Variants in PTGS2 observed in about 807,000 individuals in gnomAD.
The protein encoded by PTGS2 is prostaglandin G/H synthase 2.
In PTGS2, 14 loss-of-function variants were observed where a neutral mutation model predicts 63.8. The observed-to-expected ratio is 0.22, with a 90% CI of 0.14 to 0.34. The LOEUF is 0.34. Ranked by LOEUF, PTGS2 falls within the 10% of genes least tolerant of loss-of-function variation. The pLI, the probability that PTGS2 is intolerant of heterozygous loss-of-function variation, is 1.00. For missense variants in PTGS2, 533 were observed against 738.5 expected (o/e 0.72, Z 3.23); for synonymous variants, 271 against 259.5 (o/e 1.04, Z -0.43).
At position 186,674,884 on chromosome 1, in the gene PTGS2, T is replaced by A. The variant is rs1479868773; in HGVS notation, c.1406-122A>T. On this transcript the variant is annotated intron_variant, in intron 9 of 9. Coordinates refer to ENST00000367468, the MANE Select transcript of PTGS2 (RefSeq NM_000963.4). ...GTTTCCATTTGACCCCTGATTCTTTTAAGAAGTTTAGGGGCCAGGCGCGGT... is the reference window on the plus strand; with the variant it reads ...GTTTCCATTTGACCCCTGATTCTTTAAAGAAGTTTAGGGGCCAGGCGCGGT... The A allele has an allele frequency of 4.0e-6, 5 of 1,250,226 alleles. No homozygotes were observed. In the Admixed American group the frequency reaches 1.3e-4, roughly 33 times the overall value. The allele number at this position is 1,250,226 out of a possible 1,614,324, so 77.4% of individuals were successfully genotyped here.
At chr1:186,676,235 C>A (rs1233587427) in intron 7 of PTGS2, 51 bp from the exon 8 acceptor site, 2 of 1,504,606 alleles carry the variant, frequency 1.3e-6, no homozygotes, top group South Asian at 1.3e-5. Flanking sequence ...TGATCACAAG[C>A]TTTCAAGCAA....
Position 186,679,341 on chromosome 1 carries a change from A to G in PTGS2, c.150T>C (p.Tyr50=). The change falls in exon 2 of 10, where the codon TAT becomes TAC. Residue 50 remains tyrosine, a synonymous_variant. Coordinates refer to ENST00000367468, the MANE Select transcript of PTGS2 (RefSeq NM_000963.4). ...YKCDCTRTGF[Y]GENCSTPEFL... ...ACTTACGTGTTGAGCAGTTTTCTCC[A>G]TAGAATCCTGTCCGGGTACAATCGC... 6.2e-7 allele frequency: 1 copy of G among 1,614,202 alleles called. No homozygotes were observed. The highest frequency in any genetic ancestry group is 8.5e-7 in the Non-Finnish European group (1 of 1,180,026).
rs1418123551 is a variant in PTGS2 at position 186,675,399 on chromosome 1, G to T, written c.1258-3C>A. Reference sequence around the variant, plus strand: ...GGAACATTCCTACCACCAGCAACCTGTGGAAAGTAAAATTAGTTGTAAAAC... The same window carrying T: ...GGAACATTCCTACCACCAGCAACCTTTGGAAAGTAAAATTAGTTGTAAAAC... On this transcript the variant is annotated splice_region_variant and splice_polypyrimidine_tract_variant and intron_variant, in intron 8 of 9. Coordinates refer to ENST00000367468, the MANE Select transcript of PTGS2 (RefSeq NM_000963.4). 2.5e-6 allele frequency: 4 copies of T among 1,607,266 alleles called. No individual in the cohort carries two copies. In the Admixed American group the frequency reaches 5.2e-5, roughly 21 times the overall value.
chr1:186,674,849 C>A, intron 9 of PTGS2, 87 bp from the exon 10 acceptor site: 1 of 1,420,716 alleles, frequency 7.0e-7, no homozygotes, highest in Non-Finnish European at 9.5e-7. Context: ...AATTTGCTGC[C>A]AACTTCTCTG....
chr1:186,675,395 A>G lies in PTGS2; in HGVS notation c.1259T>C (p.Val420Ala). 6.2e-7 allele frequency: 1 copy of G among 1,607,780 alleles called. No homozygotes were observed. The highest frequency in any genetic ancestry group is 1.1e-5 in the South Asian group (1 of 89,354). ...GGGTGGAACATTCCTACCACCAGCAACCTGTGGAAAGTAAAATTAGTTGTA... is the reference window on the plus strand; with the variant it reads ...GGGTGGAACATTCCTACCACCAGCAGCCTGTGGAAAGTAAAATTAGTTGTA... ...ESFTRQIAGRVAGGRNVPPAV... is the reference protein window; with the variant it reads ...ESFTRQIAGRAAGGRNVPPAV... Residue 420 changes from valine to alanine, a missense_variant and splice_region_variant, in exon 9 of 10, where the codon GTT becomes GCT. Val to Ala is a moderately conservative substitution (Grantham distance 64, BLOSUM62 0). Around this residue, in one of 5 missense-constraint regions of PTGS2, gnomAD observed 219 missense variants for 267.4 expected, o/e 0.82. Transcript: ENST00000367468.
chr1:186,677,371 C>T (rs183478129), intron 5 of PTGS2, among the ~76,000 whole-genome samples: 2 of 152,154 alleles, frequency 1.3e-5, no homozygotes, highest in Admixed American at 1.3e-4. Flanking sequence ...ACATTTTAAA[C>T]TAAAAAATAC....
rs1236652309 is a variant in PTGS2, at chr1:186,673,043, G to A, written c.*1310C>T. 5 of 152,012 alleles carry A rather than the reference G, an allele frequency of 3.3e-5. No homozygotes were observed. Among genetic ancestry groups the A allele is most frequent in the Non-Finnish European group, 7.4e-5 (5 of 67,972 alleles). 9.4% of individuals were successfully genotyped at this position (152,012 alleles called of 1,614,324 possible). A position where few individuals can be genotyped will look rare whatever the true frequency, so the allele number is the denominator to read the frequency against. ...ATCTTAAAACTAGTAAAACAAAATA[G>A]GAGAAACGAAGTGATGAGAAGACTG... On this transcript the variant is annotated 3_prime_UTR_variant, in exon 10 of 10. Coordinates refer to ENST00000367468, the MANE Select transcript of PTGS2 (RefSeq NM_000963.4).
In PTGS2 at chr1:186,674,325, TA is replaced by T; in HGVS notation, c.*27del. The T allele has an allele frequency of 7.3e-7, 1 of 1,370,904 alleles. No homozygotes were observed. The highest frequency in any genetic ancestry group is 9.7e-7 in the Non-Finnish European group (1 of 1,026,596). 84.9% of individuals were successfully genotyped at this position (1,370,904 alleles called of 1,614,324 possible). ...ATTAAATTAATAGACATGGTTCATA[TA>T]AATAAATAAATATGATCATTAGACT... is the stretch of plus-strand genomic sequence containing the variant. On this transcript the variant is annotated 3_prime_UTR_variant, in exon 10 of 10. Transcript: ENST00000367468.
Position 186,674,682 on chromosome 1 carries a change from C to T in PTGS2, c.1486G>A (p.Glu496Lys). Residue 496 changes from glutamate to lysine, a missense_variant, in exon 10 of 10, where the codon GAA (glutamate) becomes AAA (lysine). By Grantham distance (56) the Glu-to-Lys change is moderately conservative. Transcript: ENST00000367468. ...AAGATGGCATCTGGCCGAGGCTTTTCTACCAGAAGGGCAGGATACAGCTCC... is the reference window on the plus strand; with the variant it reads ...AAGATGGCATCTGGCCGAGGCTTTTTTACCAGAAGGGCAGGATACAGCTCC... ...AVELYPALLVEKPRPDAIFGE... is the reference protein window; with the variant it reads ...AVELYPALLVKKPRPDAIFGE... 1 of 1,614,226 alleles carries T rather than the reference C, an allele frequency of 6.2e-7. No homozygotes were observed. The highest frequency in any genetic ancestry group is 8.5e-7 in the Non-Finnish European group (1 of 1,180,042).
Position 186,677,753 on chromosome 1 carries a change from C to A in PTGS2, c.535G>T (p.Gly179Cys). 1.9e-6 allele frequency: 3 copies of A among 1,613,868 alleles called. No individual in the cohort carries two copies. Among genetic ancestry groups the A allele is most frequent in the Non-Finnish European group, 2.5e-6 (3 of 1,179,916 alleles). Residue 179 changes from glycine (G) to cysteine (C), a missense_variant, in exon 5 of 10, where the codon GGC becomes TGC. Physicochemically the swap from Gly to Cys is radical, Grantham distance 159. Around this residue, in one of 5 missense-constraint regions of PTGS2, gnomAD observed 118 missense variants for 138.7 expected, o/e 0.85. Coordinates refer to ENST00000367468, the MANE Select transcript of PTGS2 (RefSeq NM_000963.4). ...LRRKFIPDPQ[G>C]SNMMFAFFAQ... ...AAGAATGCAAACATCATGTTTGAGC[C>A]CTGGGGATCAGGGATGAACTTTCTT...
At position 186,675,134 on chromosome 1, in the gene PTGS2, GCCACT is replaced by G. The variant is rs1665757750; in HGVS notation, c.1405+110_1405+114del. Reference sequence around the variant, plus strand: ...GGAGGTTGCAGTGAGCCGAGATGGCGCCACTGCACTCCAGCCTGGGTGACAGAGGG... The same window carrying G: ...GGAGGTTGCAGTGAGCCGAGATGGCGGCACTCCAGCCTGGGTGACAGAGGG... On this transcript the variant is annotated intron_variant, in intron 9 of 9. Transcript: ENST00000367468. The G allele has an allele frequency of 3.0e-5, 40 of 1,343,958 alleles. No homozygotes were observed. In the South Asian group the frequency reaches 5.1e-4, roughly 17 times the overall value. The allele number at this position is 1,343,958 out of a possible 1,614,324, so 83.3% of individuals were successfully genotyped here. A position where few individuals can be genotyped will look rare whatever the true frequency, so the allele number is the denominator to read the frequency against.
chr1:186,677,520 A>G (rs1256667007), intron 5 of PTGS2, 129 bp downstream of exon 5: 1 of 1,002,980 alleles, frequency 1.0e-6, no homozygotes, highest in East Asian at 2.7e-5. Context: ...GTTTTTATAG[A>G]TAAGACTTCT....
At chr1:186,677,325 A>T (rs1178842028) in intron 5 of PTGS2, among the ~76,000 whole-genome samples, 1 of 152,218 alleles carries the variant, frequency 6.6e-6, no homozygotes, top group Non-Finnish European at 1.5e-5. Flanking sequence ...ATCATGGTAC[A>T]ATGTGTTTTT....
intron 7 of PTGS2, 119 bp downstream of exon 7, chr1:186,676,348 T>C (rs1665780406): frequency 7.1e-6 from 10 of 1,408,712 alleles, no homozygotes; most frequent in Non-Finnish European, 8.7e-6. Flanking sequence ...ATATTTAATG[T>C]ATATAGAATG....
At chr1:186,678,933 C>T in intron 3 of PTGS2, 125 bp downstream of exon 3, 1 of 1,249,290 alleles carries the variant, frequency 8.0e-7, no homozygotes, top group Non-Finnish European at 1.1e-6. Flanking sequence ...GGAAGGCAAA[C>T]TTAAAAGCTA....
Position 186,674,291 on chromosome 1 carries a change from T to C in PTGS2, c.*62A>G. ...AACATAAGGAGTTTAATATAAATAT[T>C]ATTAAATAATTAAATTAATAGACAT... On this transcript the variant is annotated 3_prime_UTR_variant, in exon 10 of 10. Transcript: ENST00000367468. 9.5e-7 allele frequency: 1 copy of C among 1,053,478 alleles called. No individual in the cohort carries two copies. The highest frequency in any genetic ancestry group is 1.2e-6 in the Non-Finnish European group (1 of 804,848). The allele number at this position is 1,053,478 out of a possible 1,614,324, so 65.3% of individuals were successfully genotyped here.
rs1444610035 is a variant in PTGS2, at chr1:186,673,460, C to A, written c.*893G>T. 1 of 152,078 alleles carries A rather than the reference C, an allele frequency of 6.6e-6. No homozygotes were observed. The highest frequency in any genetic ancestry group is 2.4e-5 in the African/African-American group (1 of 41,418). 9.4% of individuals were successfully genotyped at this position (152,078 alleles called of 1,614,324 possible). On this transcript the variant is annotated 3_prime_UTR_variant, in exon 10 of 10. Transcript: ENST00000367468. ...TTATTGCTTATTTTAAAGGTAGACC[C>A]TTTTGCTGATATAGATTTTACATGT...
intron 3 of PTGS2, 64 bp downstream of exon 3, chr1:186,678,994 C>G: frequency 6.6e-7 from 1 of 1,505,848 alleles, no homozygotes; most frequent in Non-Finnish European, 9.0e-7. Flanking sequence ...ATTAGGCTTA[C>G]AGTATTATAA....
chr1:186,679,065 C>A lies in PTGS2; in HGVS notation c.306G>T (p.Val102=). The change falls in exon 3 of 10, where the codon GTG becomes GTT. Residue 102 remains valine, a synonymous_variant. Transcript: ENST00000367468. ...PFLRNAIMSY[V]LTSRSHLIDS... ...AAAGACACTTGTACTTACATGTCAA[C>A]ACATAACTCATAATTGCATTTCGAA... The A allele has an allele frequency of 6.2e-7, 1 of 1,613,304 alleles. No homozygotes were observed. The highest frequency in any genetic ancestry group is 1.1e-5 in the South Asian group (1 of 90,896).
Sources: allele counts gnomAD v4.1 joint callset (sites outside exome capture counted in the v4.1 genomes callset), GRCh38; gene constraint gnomAD v4.1.1; regional missense constraint gnomAD v4.1.1; transcripts MANE v1.5; gene names NCBI Gene and HGNC (gene_info 2026-07-23, HGNC 2026-07-21).